The following POLR3K variants were observed in gnomAD, a reference collection of about 807,000 sequenced individuals.
POLR3K encodes the protein DNA-directed RNA polymerase III subunit RPC10.
POLR3K carries 11 observed loss-of-function variants against 13.5 expected under a neutral mutation model. The observed-to-expected ratio is 0.81, with a 90% CI of 0.51 to 1.35. The LOEUF (loss-of-function observed/expected upper bound fraction) is 1.35. Ranked by LOEUF, POLR3K falls within the 40% of genes most tolerant of loss-of-function variation. The pLI is 0.00. For synonymous variants in POLR3K, 56 were observed against 51.5 expected, an observed-to-expected ratio of 1.09 and a Z score of -0.38; for missense variants, 144 against 145.3, an observed-to-expected ratio of 0.99 and a Z score of 0.05.
chr16:48,778 T>A (rs1897305731), intron 2 of POLR3K, among the ~76,000 whole-genome samples: 1 of 149,536 alleles, frequency 6.7e-6, no homozygotes, highest in Non-Finnish European at 1.5e-5. Context: ...GCCACTGCAC[T>A]CCAGCTTGGG....
chr16:51,855 C>G, intron 1 of POLR3K: 4 of 433,660 alleles, frequency 9.2e-6, no homozygotes, highest in South Asian at 2.4e-5. Context: ...CCTGTCTCTA[C>G]TAAAAATACA....
intron 1 of POLR3K, among the ~76,000 whole-genome samples, chr16:52,779 AAAAAAAAAAAAAAAAACAAT>A (rs1250256067): frequency 5.9e-4 from 14 of 23,678 alleles, no homozygotes; most frequent in Admixed American, 3.0e-3. Context: ...AAAAAAAAAA[AAAAAAAAAAAAAAAAACAAT>A]AAAAAAAAAT....
At position 46,854 on chromosome 16, in the gene POLR3K, G is replaced by C. The variant is rs189563700; in HGVS notation, c.*576C>G. 6.6e-6 allele frequency: 1 copy of C among 152,074 alleles called. No homozygotes were observed. Among genetic ancestry groups the C allele is most frequent in the Non-Finnish European group, 1.5e-5 (1 of 68,016 alleles). The allele number at this position is 152,074 out of a possible 1,614,324, so 9.4% of individuals were successfully genotyped here. A position where few individuals can be genotyped will look rare whatever the true frequency, so the allele number is the denominator to read the frequency against. ...GGGAGTAAGAATAGGAATAAAGAAA[G>C]AAATTGAAATCCCGGTGATTAACAT... On this transcript the variant is annotated 3_prime_UTR_variant, in exon 3 of 3. Transcript: ENST00000293860.
chr16:52,780 A>AT (rs1897351246), intron 1 of POLR3K, among the ~76,000 whole-genome samples: 1 of 23,840 alleles, frequency 4.2e-5, no homozygotes, highest in African/African-American at 1.7e-4. Flanking sequence ...AAAAAAAAAA[A>AT]AAAAAAAAAA....
In POLR3K at chr16:50,101, G is replaced by C. The variant is rs375712631; in HGVS notation, c.199+1457C>G. On this transcript the variant is annotated intron_variant, in intron 2 of 2. Coordinates refer to ENST00000293860, the MANE Select transcript of POLR3K (RefSeq NM_016310.5). ...AGCCTCCCGAGTAGCTGGGATTACAGGTGCTGCCACCACGCCTGGCTAATT... is the reference window on the plus strand; with the variant it reads ...AGCCTCCCGAGTAGCTGGGATTACACGTGCTGCCACCACGCCTGGCTAATT... Among the ~76,000 whole-genome samples the C allele has an allele frequency of 3.6e-4, 55 of 152,238 alleles. 3 individuals carry two copies. The South Asian group carries it at 0.01, about 29-fold the overall frequency.
intron 1 of POLR3K, chr16:51,930 G>A (rs1200512172): frequency 7.1e-6 from 2 of 280,548 alleles, no homozygotes; most frequent in African/African-American, 2.3e-5. Flanking sequence ...TGAGGCAGGA[G>A]AATGGTGTGA....
intron 2 of POLR3K, among the ~76,000 whole-genome samples, 162 bp from the exon 3 acceptor site, chr16:47,719 T>C (rs538718676): frequency 4.4e-4 from 67 of 150,984 alleles, no homozygotes; most frequent in African/African-American, 1.6e-3. Flanking sequence ...CCATCTCTAC[T>C]AAAAATACAA....
intron 2 of POLR3K, 49 bp downstream of exon 2, chr16:51,509 G>C (rs370241402): frequency 9.5e-6 from 14 of 1,470,312 alleles, no homozygotes; most frequent in Non-Finnish European, 1.3e-5. Flanking sequence ...GGCATCAACA[G>C]CCTCATAATT....
In POLR3K at chr16:53,596, C is replaced by T. The variant is rs538613887; in HGVS notation, c.-10G>A. The T allele has an allele frequency of 3.7e-6, 6 of 1,602,908 alleles. No individual in the cohort carries two copies. The South Asian group carries it at 4.5e-5, about 12-fold the overall frequency. Reference sequence around the variant, plus strand: ...GGCAGAACAGCAGCATGGTCTCGAACTCCGCAGGCTCCAACTCCCGGCAGC... The same window carrying T: ...GGCAGAACAGCAGCATGGTCTCGAATTCCGCAGGCTCCAACTCCCGGCAGC... On this transcript the variant is annotated 5_prime_UTR_variant, in exon 1 of 3. Coordinates refer to ENST00000293860, the MANE Select transcript of POLR3K (RefSeq NM_016310.5).
chr16:46,845 A>G lies in POLR3K; in HGVS notation c.*585T>C, dbSNP rs558103752. On this transcript the variant is annotated 3_prime_UTR_variant, in exon 3 of 3. Transcript: ENST00000293860. ...AATGAATAAGGGAGTAAGAATAGGA[A>G]TAAAGAAAGAAATTGAAATCCCGGT... 2 of 152,294 alleles carry G rather than the reference A, an allele frequency of 1.3e-5. No individual in the cohort carries two copies. Among genetic ancestry groups the G allele is most frequent in the East Asian group, 1.9e-4 (1 of 5,194 alleles). The allele number at this position is 152,294 out of a possible 1,614,324, so 9.4% of individuals were successfully genotyped here. A position where few individuals can be genotyped will look rare whatever the true frequency, so the allele number is the denominator to read the frequency against.
chr16:51,277 G>A (rs74003635), intron 2 of POLR3K, among the ~76,000 whole-genome samples: 1 of 152,068 alleles, frequency 6.6e-6, no homozygotes, highest in Non-Finnish European at 1.5e-5. Flanking sequence ...TACGAATATG[G>A]ATTAGCCCCA....
chr16:51,854 A>G, intron 1 of POLR3K: 2 of 434,322 alleles, frequency 4.6e-6, no homozygotes, highest in Non-Finnish European at 8.4e-6. Context: ...CCCTGTCTCT[A>G]CTAAAAATAC....
intron 2 of POLR3K, among the ~76,000 whole-genome samples, chr16:48,093 T>C (rs542400068): frequency 1.3e-5 from 2 of 151,376 alleles, no homozygotes; most frequent in South Asian, 2.1e-4. Flanking sequence ...GTTTTCACTA[T>C]GTTGGCCAGG....
At chr16:49,339 G>A (rs912063815) in intron 2 of POLR3K, among the ~76,000 whole-genome samples, 10 of 151,814 alleles carry the variant, frequency 6.6e-5, no homozygotes, top group Admixed American at 2.6e-4. Context: ...TCATGAGGCC[G>A]AGGAAGGAGA....
intron 2 of POLR3K, among the ~76,000 whole-genome samples, chr16:48,727 C>T (rs899774325): frequency 5.9e-5 from 9 of 151,352 alleles, no homozygotes; most frequent in East Asian, 1.9e-4. Context: ...AAGAGAATTG[C>T]GTGAACCCGG....
chr16:47,309 A>C lies in POLR3K; in HGVS notation c.*121T>G, dbSNP rs990710940. On this transcript the variant is annotated 3_prime_UTR_variant, in exon 3 of 3. Coordinates refer to ENST00000293860, the MANE Select transcript of POLR3K (RefSeq NM_016310.5). ...CTGACCCCCTGGCTCTTCACCTCAA[A>C]AGGTTTATCTTTCCACCACACTAGC... 3.7e-6 allele frequency: 5 copies of C among 1,334,366 alleles called. No individual in the cohort carries two copies. The highest frequency in any genetic ancestry group is 4.0e-6 in the Non-Finnish European group (4 of 994,496). The allele number at this position is 1,334,366 out of a possible 1,614,324, so 82.7% of individuals were successfully genotyped here. A position where few individuals can be genotyped will look rare whatever the true frequency, so the allele number is the denominator to read the frequency against.
chr16:52,478 A>G, intron 1 of POLR3K, among the ~76,000 whole-genome samples: 1 of 60,736 alleles, frequency 1.6e-5, no homozygotes, highest in Non-Finnish European at 3.4e-5. Flanking sequence ...AAAAAAAAAA[A>G]AAAAAAAAAG....
intron 2 of POLR3K, among the ~76,000 whole-genome samples, chr16:49,290 T>C (rs1897310206): frequency 6.6e-6 from 1 of 151,544 alleles, no homozygotes; most frequent in Non-Finnish European, 1.5e-5. Context: ...AATACAAAAT[T>C]AGCTGGGCGT....
In POLR3K at chr16:51,746, C is replaced by CGTGGTGAG. The variant is rs1317977828; in HGVS notation, c.112-102_112-101insCTCACCAC. 12 of 957,438 alleles carry CGTGGTGAG rather than the reference C, an allele frequency of 1.3e-5. No homozygotes were observed. The African/African-American group carries it at 1.8e-4, about 14-fold the overall frequency. 59.3% of individuals were successfully genotyped at this position (957,438 alleles called of 1,614,324 possible). A position where few individuals can be genotyped will look rare whatever the true frequency, so the allele number is the denominator to read the frequency against. On this transcript the variant is annotated intron_variant, in intron 1 of 2. Coordinates refer to ENST00000293860, the MANE Select transcript of POLR3K (RefSeq NM_016310.5). ...TTACATAAGAGTTCACTCGGCTGGG[C>CGTGGTGAG]GTGGTGGCTGACACCTGTAATCCCA...
Sources: gnomAD v4.1 joint callset for allele counts (sites outside exome capture counted in the v4.1 genomes callset) on GRCh38, gnomAD v4.1.1 for gene constraint, MANE v1.5 for transcripts, NCBI Gene and HGNC (gene_info 2026-07-23, HGNC 2026-07-21) for gene names.